The following HIPK2 variants were observed in gnomAD, a reference collection of about 807,000 sequenced individuals.
The protein encoded by HIPK2 is homeodomain-interacting protein kinase 2.
Under a neutral mutation model 113.7 loss-of-function variants are expected in HIPK2, and 27 were observed. The observed-to-expected ratio is 0.24, with a 90% confidence interval of 0.17 to 0.33. The LOEUF (loss-of-function observed/expected upper bound fraction) is 0.33. Among genes scored for constraint, HIPK2 ranks in the 10% least tolerant of loss-of-function variants. HIPK2 has a pLI of 1.00. For synonymous variants in HIPK2, 631 were observed against 642.2 expected, an observed-to-expected ratio of 0.98 and a Z score of 0.26; for missense variants, 1,257 against 1,588.0, an observed-to-expected ratio of 0.79 and a Z score of 3.54.
Position 139,572,828 on chromosome 7 carries a change from A to G in HIPK2, c.*99T>C. 1 of 754,746 alleles carries G rather than the reference A, an allele frequency of 1.3e-6. No homozygotes were observed. Among genetic ancestry groups the G allele is most frequent in the Non-Finnish European group, 1.8e-6 (1 of 568,258 alleles). The allele number at this position is 754,746 out of a possible 1,614,324, so 46.8% of individuals were successfully genotyped here. ...TTTGTGTGCGGCATCTTCAGTATAA[A>G]AGGCCAGCGCCCACGGTCCCAGGAG... On this transcript the variant is annotated 3_prime_UTR_variant, in exon 15 of 15. Transcript: ENST00000406875.
chr7:139,733,873 G>A (rs139564769), intron 1 of HIPK2, among the ~76,000 whole-genome samples: 280 of 152,260 alleles, frequency 1.8e-3, no homozygotes, highest in Middle Eastern at 6.8e-3. Flanking sequence ...CTTATATTAC[G>A]GTAACCAACC....
At position 139,717,058 on chromosome 7, in the gene HIPK2, T is replaced by C. The variant is rs752626010; in HGVS notation, c.20-43A>G. ...CGAAAAGTAAGTATCGGAGTCACCT[T>C]GGTACAAGTAAACTCAACAGATCCC... is the stretch of plus-strand genomic sequence containing the variant. On this transcript the variant is annotated intron_variant, in intron 1 of 14. Transcript: ENST00000406875. 7 of 1,567,310 alleles carry C rather than the reference T, an allele frequency of 4.5e-6. No individual in the cohort carries two copies. In the South Asian group the frequency reaches 4.8e-5, roughly 11 times the overall value.
intron 1 of HIPK2, among the ~76,000 whole-genome samples, chr7:139,723,196 T>TC (rs1202534649): frequency 1.5e-5 from 1 of 67,758 alleles, no homozygotes; most frequent in East Asian, 3.8e-4. Context: ...TCTTTCTTCT[T>TC]TTTTTTTTTT....
chr7:139,674,537 T>C (rs1802426066), intron 2 of HIPK2, among the ~76,000 whole-genome samples: 1 of 151,334 alleles, frequency 6.6e-6, no homozygotes, highest in African/African-American at 2.4e-5. Context: ...GGCATGAGGA[T>C]GGGAAGCAGA....
At chr7:139,628,031 A>G (rs1161207430) in intron 5 of HIPK2, among the ~76,000 whole-genome samples, 1 of 152,210 alleles carries the variant, frequency 6.6e-6, no homozygotes, top group Non-Finnish European at 1.5e-5. Context: ...TGACAAGGCA[A>G]GGGAGATGTG....
Position 139,570,591 on chromosome 7 carries a change from T to C in HIPK2, c.*2336A>G, listed in dbSNP as rs1402058749. 1 of 152,264 alleles carries C rather than the reference T, an allele frequency of 6.6e-6. No individual in the cohort carries two copies. Among genetic ancestry groups the C allele is most frequent in the East Asian group, 1.9e-4 (1 of 5,194 alleles). 9.4% of individuals were successfully genotyped at this position (152,264 alleles called of 1,614,324 possible). ...ACCTGTTTCTTTATAAGTAAGAATT[T>C]ATGGTTGGGGTGGGGAAGTTTCCAG... On this transcript the variant is annotated 3_prime_UTR_variant, in exon 15 of 15. Transcript: ENST00000406875.
At chr7:139,720,894 G>A (rs982813185) in intron 1 of HIPK2, among the ~76,000 whole-genome samples, 10 of 152,194 alleles carry the variant, frequency 6.6e-5, no homozygotes, top group African/African-American at 1.7e-4. Context: ...TGGAAAGGCC[G>A]TCCACGGTGC....
chr7:139,614,240 C>A, intron 8 of HIPK2, 46 bp downstream of exon 8: 1 of 1,353,034 alleles, frequency 7.4e-7, no homozygotes, highest in Non-Finnish European at 9.6e-7. Context: ...GCCCCAGAGG[C>A]CGTTCTGTAA....
intron 1 of HIPK2, among the ~76,000 whole-genome samples, chr7:139,740,062 T>A (rs1440175002): frequency 6.6e-6 from 1 of 152,068 alleles, no homozygotes; most frequent in Non-Finnish European, 1.5e-5. Context: ...AACTGCCAGG[T>A]CAGGTGGCGA....
At chr7:139,745,877 A>G (rs1436318251) in intron 1 of HIPK2, among the ~76,000 whole-genome samples, 1 of 152,198 alleles carries the variant, frequency 6.6e-6, no homozygotes, top group African/African-American at 2.4e-5. Context: ...ACCCACTACT[A>G]GTTAAGTCTT....
chr7:139,572,029 T>C lies in HIPK2; in HGVS notation c.*898A>G, dbSNP rs937212442. On this transcript the variant is annotated 3_prime_UTR_variant, in exon 15 of 15. Coordinates refer to ENST00000406875, the MANE Select transcript of HIPK2 (RefSeq NM_022740.5). ...CAAGGTAGGAGACAAGGGTGCTGAG[T>C]GCTACATTCTACTAGGGTGTCTGTG... is the stretch of plus-strand genomic sequence containing the variant. 1 of 152,154 alleles carries C rather than the reference T, an allele frequency of 6.6e-6. No individual in the cohort carries two copies. The highest frequency in any genetic ancestry group is 1.5e-5 in the Non-Finnish European group (1 of 68,034). 9.4% of individuals were successfully genotyped at this position (152,154 alleles called of 1,614,324 possible). A position where few individuals can be genotyped will look rare whatever the true frequency, so the allele number is the denominator to read the frequency against.
intron 2 of HIPK2, among the ~76,000 whole-genome samples, chr7:139,654,479 C>T (rs1801585617): frequency 6.6e-6 from 1 of 152,174 alleles, no homozygotes; most frequent in African/African-American, 2.4e-5. Context: ...CGCCACTGCA[C>T]TCCACCCTGG....
At chr7:139,662,574 C>T (rs1405193110) in intron 2 of HIPK2, among the ~76,000 whole-genome samples, 1 of 151,740 alleles carries the variant, frequency 6.6e-6, no homozygotes, top group Non-Finnish European at 1.5e-5. Context: ...CCCTAGCTGT[C>T]TCTCCTGTGT....
chr7:139,672,223 T>C (rs555265769), intron 2 of HIPK2, among the ~76,000 whole-genome samples: 1 of 152,322 alleles, frequency 6.6e-6, no homozygotes, highest in Admixed American at 6.5e-5. Flanking sequence ...ATCTACCTCA[T>C]AACACTTGAA....
intron 1 of HIPK2, among the ~76,000 whole-genome samples, chr7:139,768,396 TG>T (rs1317275880): frequency 1.3e-5 from 2 of 152,156 alleles, no homozygotes; most frequent in Admixed American, 6.5e-5. Context: ...GCTCAAGTTT[TG>T]GTGATGTCAA....
chr7:139,746,426 G>A (rs1266794336), intron 1 of HIPK2, among the ~76,000 whole-genome samples: 1 of 152,150 alleles, frequency 6.6e-6, no homozygotes, highest in Non-Finnish European at 1.5e-5. Context: ...GATGTCTTTT[G>A]TTGCTTGGTT....
rs1798166427 is a variant in HIPK2 at position 139,568,633 on chromosome 7, T to C, written c.*4294A>G. On this transcript the variant is annotated 3_prime_UTR_variant, in exon 15 of 15. Coordinates refer to ENST00000406875, the MANE Select transcript of HIPK2 (RefSeq NM_022740.5). Reference sequence around the variant, plus strand: ...GGGAAGGAGGGAGCCCACAAAAGACTAGAGGATGCTCTAGATGATTCGTGG... The same window carrying C: ...GGGAAGGAGGGAGCCCACAAAAGACCAGAGGATGCTCTAGATGATTCGTGG... The C allele has an allele frequency of 6.6e-6, 1 of 152,204 alleles. No homozygotes were observed. 9.4% of individuals were successfully genotyped at this position (152,204 alleles called of 1,614,324 possible).
At chr7:139,664,531 T>C (rs576635388) in intron 2 of HIPK2, among the ~76,000 whole-genome samples, 8 of 151,696 alleles carry the variant, frequency 5.3e-5, no homozygotes, top group African/African-American at 1.7e-4. Flanking sequence ...AGTGAGACTG[T>C]CTCAAAAAAA....
At chr7:139,776,443 A>T (rs901121434) in intron 1 of HIPK2, among the ~76,000 whole-genome samples, 1 of 151,288 alleles carries the variant, frequency 6.6e-6, no homozygotes, top group Non-Finnish European at 1.5e-5. Context: ...TCAGCCTCTT[A>T]TAACAGAGAT....
Sources: gnomAD v4.1 joint callset for allele counts (sites outside exome capture counted in the v4.1 genomes callset) on GRCh38, gnomAD v4.1.1 for gene constraint, MANE v1.5 for transcripts, NCBI Gene and HGNC (gene_info 2026-07-23, HGNC 2026-07-21) for gene names.